Variants in CHCHD3 observed in about 807,000 individuals in gnomAD.
CHCHD3 encodes the protein MICOS complex subunit MIC19.
A neutral mutation model predicts 38.2 loss-of-function variants in CHCHD3; 20 were observed. The observed-to-expected ratio is 0.52, with a 90% confidence interval of 0.37 to 0.76. The LOEUF is 0.76. Ranked by LOEUF, CHCHD3 falls within the 30% of genes least tolerant of loss-of-function variation. The probability of loss-of-function intolerance (pLI) is 0.00; values close to 1 mark genes in which losing one functional copy is unlikely to be tolerated. For synonymous variants in CHCHD3, 82 were observed against 100.0 expected (o/e 0.82, Z 1.07); for missense variants, 245 against 279.2 (o/e 0.88, Z 0.87).
intron 3 of CHCHD3, among the ~76,000 whole-genome samples, chr7:132,988,310 C>CAT (rs1372095273): frequency 6.6e-6 from 1 of 151,786 alleles, no homozygotes; most frequent in Non-Finnish European, 1.5e-5. Flanking sequence ...CCCACACACA[C>CAT]ACACACCCAC....
intron 3 of CHCHD3, among the ~76,000 whole-genome samples, chr7:133,006,466 C>CATAA (rs1262388340): frequency 8.5e-5 from 11 of 130,058 alleles, no homozygotes; most frequent in African/African-American, 2.9e-4. Context: ...GACTCCGTCT[C>CATAA]ATAAATAAAT....
chr7:132,789,471 A>G (rs1806405011), intron 7 of CHCHD3, among the ~76,000 whole-genome samples: 2 of 152,180 alleles, frequency 1.3e-5, no homozygotes, highest in African/African-American at 4.8e-5. Flanking sequence ...ACAAATAAGA[A>G]CAGCGCCCCT....
rs779064624 is a variant in CHCHD3 at position 132,985,678 on chromosome 7, T to TGG, written c.252-10394_252-10393dup. Among the ~76,000 whole-genome samples, 218 of 35,150 alleles carry TGG rather than the reference T, an allele frequency of 6.2e-3. 17 individuals carry two copies. Among genetic ancestry groups the TGG allele is most frequent in the South Asian group, 0.013 (14 of 1,098 alleles). The allele number at this position is 35,150 out of a possible 152,430, so 23.1% of individuals were successfully genotyped here. On this transcript the variant is annotated intron_variant, in intron 3 of 7. Transcript: ENST00000262570. The stretch of plus-strand genomic sequence containing the variant: ...CCAGCCGCCCCATCCGGGAGGGAGG[T>TGG]GGGGGGGGGGTCAGCCCCCCGCCCG...
chr7:132,802,711 T>C (rs770011095), intron 6 of CHCHD3, among the ~76,000 whole-genome samples: 118 of 152,326 alleles, frequency 7.7e-4, no homozygotes, highest in Non-Finnish European at 1.4e-3. Flanking sequence ...ACTTAAAAGA[T>C]ACCAGGACTA....
At chr7:133,029,607 C>T (rs1313083599) in intron 2 of CHCHD3, among the ~76,000 whole-genome samples, 6 of 152,170 alleles carry the variant, frequency 3.9e-5, no homozygotes, top group African/African-American at 1.2e-4. Flanking sequence ...AAATCAGCAG[C>T]GAGCTGTTTA....
At position 132,869,986 on chromosome 7, in the gene CHCHD3, T is replaced by C. The variant is rs568238701; in HGVS notation, c.453+15676A>G. ...GTAGGTTTAATTATTGTATCTATAT[T>C]ATAAAAACAGTTTTATGGTTGAGCC... On this transcript the variant is annotated intron_variant, in intron 5 of 7. Transcript: ENST00000262570. Among the ~76,000 whole-genome samples, 8 of 152,282 alleles carry C rather than the reference T, an allele frequency of 5.3e-5. No individual in the cohort carries two copies. The South Asian group carries it at 1.7e-3, about 32-fold the overall frequency.
intron 5 of CHCHD3, among the ~76,000 whole-genome samples, chr7:132,860,091 C>G (rs1247245437): frequency 5.9e-5 from 9 of 151,966 alleles, no homozygotes; most frequent in Non-Finnish European, 1.3e-4. Context: ...GGTAACATGG[C>G]AAAACCATGT....
At chr7:133,021,540 G>A (rs575834419) in intron 3 of CHCHD3, among the ~76,000 whole-genome samples, 7 of 152,120 alleles carry the variant, frequency 4.6e-5, no homozygotes, top group South Asian at 2.1e-4. Context: ...TAAGCTAATC[G>A]GAGTTAAATT....
At chr7:132,809,839 A>C (rs574666526) in intron 6 of CHCHD3, among the ~76,000 whole-genome samples, 1 of 152,206 alleles carries the variant, frequency 6.6e-6, no homozygotes, top group East Asian at 1.9e-4. Flanking sequence ...TAAGGGCACT[A>C]TCTACAGCAG....
intron 5 of CHCHD3, among the ~76,000 whole-genome samples, chr7:132,858,155 C>G (rs2117127284): frequency 6.6e-6 from 1 of 152,266 alleles, no homozygotes; most frequent in East Asian, 1.9e-4. Context: ...CTCAGCCTCA[C>G]AGGTTCAAGC....
At chr7:133,034,649 C>T in intron 2 of CHCHD3, 1 of 1,612,236 alleles carries the variant, frequency 6.2e-7, no homozygotes, top group East Asian at 2.2e-5. Context: ...TGCCCACATG[C>T]TGGAAGGCCC....
chr7:132,806,042 G>A (rs1421116021), intron 6 of CHCHD3, among the ~76,000 whole-genome samples: 2 of 152,144 alleles, frequency 1.3e-5, no homozygotes, highest in East Asian at 1.9e-4. Flanking sequence ...AGAGGCAAAG[G>A]GCAGAAAGGA....
At chr7:133,024,178 A>G (rs1374695184) in intron 3 of CHCHD3, among the ~76,000 whole-genome samples, 1 of 152,236 alleles carries the variant, frequency 6.6e-6, no homozygotes, top group Non-Finnish European at 1.5e-5. Context: ...ATCATGAGCC[A>G]AAATATTTAC....
In CHCHD3 at chr7:132,983,156, C is replaced by T. The variant is rs553032770; in HGVS notation, c.252-7870G>A. 1.8e-3 allele frequency among the ~76,000 whole-genome samples: 271 copies of T among 151,646 alleles called. 1 individual carries two copies. In the South Asian group the frequency reaches 0.021, roughly 12 times the overall value. On this transcript the variant is annotated intron_variant, in intron 3 of 7. Coordinates refer to ENST00000262570, the MANE Select transcript of CHCHD3 (RefSeq NM_017812.4). ...AGCCAACATGGCGAAACCCCATCTC[C>T]ATTAAAAATACAAAAAATTAGCCAG... is the stretch of plus-strand genomic sequence containing the variant.
intron 6 of CHCHD3, chr7:132,830,647 T>C (rs1346687152): frequency 2.6e-5 from 4 of 152,214 alleles, no homozygotes; most frequent in African/African-American, 9.7e-5. Flanking sequence ...TAGCTTCATA[T>C]ACAAAGTATA....
chr7:132,955,173 GGTGTGTGTGT>G (rs3050414), intron 4 of CHCHD3, among the ~76,000 whole-genome samples: 17 of 126,288 alleles, frequency 1.3e-4, no homozygotes, highest in Admixed American at 3.4e-4. Flanking sequence ...TCCCTCAGAG[GGTGTGTGTGT>G]GTGTGTGTGT....
At chr7:133,018,521 T>A (rs1487324262) in intron 3 of CHCHD3, among the ~76,000 whole-genome samples, 1 of 152,208 alleles carries the variant, frequency 6.6e-6, no homozygotes, top group African/African-American at 2.4e-5. Context: ...CCTGAAAAGT[T>A]TTTTTAATTA....
intron 3 of CHCHD3, among the ~76,000 whole-genome samples, chr7:132,986,017 A>G (rs1812109584): frequency 6.6e-6 from 1 of 151,472 alleles, no homozygotes; most frequent in Non-Finnish European, 1.5e-5. Context: ...GTCTGTGTAG[A>G]AAGAGGTAGA....
At chr7:132,878,445 G>C (rs1183130048) in intron 5 of CHCHD3, among the ~76,000 whole-genome samples, 1 of 152,174 alleles carries the variant, frequency 6.6e-6, no homozygotes, top group African/African-American at 2.4e-5. Flanking sequence ...CCATAAGTGA[G>C]AGACTTTTAA....
Sources: gnomAD v4.1 joint callset for allele counts (sites outside exome capture counted in the v4.1 genomes callset) on GRCh38, gnomAD v4.1.1 for gene constraint, MANE v1.5 for transcripts, NCBI Gene and HGNC (gene_info 2026-07-23, HGNC 2026-07-21) for gene names.